The following NUP214 variants were observed in gnomAD, a reference collection of about 807,000 sequenced individuals.
NUP214 encodes nucleoporin 214, also known as nuclear pore complex protein Nup214.
Under a neutral mutation model 196.2 loss-of-function variants are expected in NUP214, and 79 were observed. The ratio of observed to expected loss-of-function variants is 0.40; its 90% confidence interval spans 0.34 to 0.49. NUP214 has a LOEUF of 0.49. NUP214 is among the 20% of genes least tolerant of loss of function. NUP214 has a pLI of 0.58. For synonymous variants in NUP214, 1,020 were observed against 990.5 expected (o/e 1.03, Z -0.56); for missense variants, 2,468 against 2,539.0 (o/e 0.97, Z 0.60).
chr9:131,183,161 T>C (rs1338320544), intron 24 of NUP214, among the ~76,000 whole-genome samples: 4 of 152,244 alleles, frequency 2.6e-5, no homozygotes, highest in Admixed American at 2.6e-4. Flanking sequence ...TTCAGCTCAC[T>C]GCAACCTCTG....
In NUP214 at chr9:131,140,723, G is replaced by C. The variant is rs771010470; in HGVS notation, c.1294+13G>C. The stretch of plus-strand genomic sequence containing the variant: ...CCCAAGTCACCAGGTATGTGCCTCT[G>C]CCTGCTTTATCAGTAAGGGAATACC... On this transcript the variant is annotated intron_variant, in intron 11 of 35. Transcript: ENST00000359428. The C allele has an allele frequency of 6.2e-6, 10 of 1,608,832 alleles. No individual in the cohort carries two copies. In the Admixed American group the frequency reaches 1.7e-4, roughly 27 times the overall value.
chr9:131,128,617 T>A, intron 3 of NUP214, 134 bp downstream of exon 3: 2 of 692,720 alleles, frequency 2.9e-6, no homozygotes, highest in Non-Finnish European at 4.4e-6. Flanking sequence ...TAAAAAAAAA[T>A]CCTTAATTAT....
Position 131,136,091 on chromosome 9 carries a change from A to G in NUP214, c.1005+85A>G. 3 of 1,113,390 alleles carry G rather than the reference A, an allele frequency of 2.7e-6. No individual in the cohort carries two copies. In the South Asian group the frequency reaches 4.3e-5, roughly 16 times the overall value. 69.0% of individuals were successfully genotyped at this position (1,113,390 alleles called of 1,614,324 possible). On this transcript the variant is annotated intron_variant, in intron 9 of 35. Coordinates refer to ENST00000359428, the MANE Select transcript of NUP214 (RefSeq NM_005085.4). ...AGTCTCGCTCTGTTGTCCAGGCTGG[A>G]GTGCAGTGGTGCAATTTCAGCTTAC...
chr9:131,196,500 G>C (rs1175695467), intron 28 of NUP214, among the ~76,000 whole-genome samples: 1 of 152,134 alleles, frequency 6.6e-6, no homozygotes, highest in Non-Finnish European at 1.5e-5. Flanking sequence ...TGTTTGACCA[G>C]GCCTTATGGG....
In NUP214 at chr9:131,135,953, G is replaced by A; in HGVS notation, c.952G>A (p.Ala318Thr). 1 of 1,613,820 alleles carries A rather than the reference G, an allele frequency of 6.2e-7. No homozygotes were observed. The highest frequency in any genetic ancestry group is 8.5e-7 in the Non-Finnish European group (1 of 1,179,702). The change falls in exon 9 of 36, where the codon GCA becomes ACA. Residue 318 changes from alanine to threonine, a missense_variant. Coordinates refer to ENST00000359428, the MANE Select transcript of NUP214 (RefSeq NM_005085.4). ...TTATTCTTTAAGGGATTTAGTGCTG[G>A]CAGCATCTGCGGCTTCAACAGAAGT... is the stretch of plus-strand genomic sequence containing the variant. ...SYIEEWDLVLAASAASTEVSI... is the reference protein window; with the variant it reads ...SYIEEWDLVLTASAASTEVSI...
intron 5 of NUP214, among the ~76,000 whole-genome samples, 162 bp from the exon 6 acceptor site, chr9:131,132,434 G>T (rs1244999189): frequency 3.3e-5 from 5 of 152,150 alleles, no homozygotes; most frequent in Non-Finnish European, 5.9e-5. Context: ...GTTTCTGTAG[G>T]ATGAAGTCCT....
intron 24 of NUP214, among the ~76,000 whole-genome samples, chr9:131,183,966 A>C (rs1020285707): frequency 4.7e-5 from 7 of 147,930 alleles, no homozygotes; most frequent in Non-Finnish European, 1.0e-4. Context: ...TACATTTTCC[A>C]TGTCATTAAA....
chr9:131,207,580 G>GA (rs1834120366), intron 30 of NUP214, among the ~76,000 whole-genome samples: 1 of 152,232 alleles, frequency 6.6e-6, no homozygotes, highest in African/African-American at 2.4e-5. Context: ...AGAAGTCACA[G>GA]AACATCACTT....
intron 24 of NUP214, among the ~76,000 whole-genome samples, chr9:131,184,965 ATATGAGTATG>A (rs1251470776): frequency 6.6e-6 from 1 of 152,238 alleles, no homozygotes; most frequent in African/African-American, 2.4e-5. Flanking sequence ...ACTCTCTCAT[ATATGAGTATG>A]TATGAAAAGA....
intron 21 of NUP214, among the ~76,000 whole-genome samples, chr9:131,166,425 A>C (rs766004754): frequency 2.0e-5 from 3 of 152,360 alleles, no homozygotes; most frequent in African/African-American, 4.8e-5. Context: ...TGTTCCAATC[A>C]GTGGTAAATA....
intron 30 of NUP214, among the ~76,000 whole-genome samples, chr9:131,204,124 A>G (rs965473322): frequency 3.3e-5 from 5 of 152,180 alleles, no homozygotes; most frequent in Admixed American, 2.6e-4. Context: ...GAGACACACA[A>G]GGAAACCAGG....
In NUP214 at chr9:131,230,738, C is replaced by T. The variant is rs1023614765; in HGVS notation, c.6183C>T (p.Ser2061=). 1.9e-5 allele frequency: 31 copies of T among 1,613,886 alleles called. No individual in the cohort carries two copies. The highest frequency in any genetic ancestry group is 1.6e-4 in the African/African-American group (12 of 74,910). ...QQTSGFGTQS[S]GFSGFGSGTG... ...CTTCTGGTTTTGGGACCCAGAGTAG[C>T]GGATTCTCTGGTTTTGGATCAGGCA... Residue 2061 remains serine, a synonymous_variant, in exon 34 of 36, where the codon AGC becomes AGT. Transcript: ENST00000359428.
At chr9:131,139,457 G>C (rs1831843640) in intron 10 of NUP214, 50 bp downstream of exon 10, 1 of 1,582,026 alleles carries the variant, frequency 6.3e-7, no homozygotes, top group African/African-American at 1.4e-5. Context: ...TTCTAGTTAG[G>C]GTTAATATTG....
chr9:131,136,071 C>G, intron 9 of NUP214, 65 bp downstream of exon 9: 1 of 1,331,722 alleles, frequency 7.5e-7, no homozygotes, highest in Non-Finnish European at 1.1e-6. Context: ...GAGACAGTCT[C>G]GCTCTGTTGT....
chr9:131,190,641 T>A, intron 26 of NUP214: 1 of 518,732 alleles, frequency 1.9e-6, no homozygotes, highest in Non-Finnish European at 3.4e-6. Context: ...TCATTGTTTT[T>A]CTGATTGTAA....
intron 30 of NUP214, among the ~76,000 whole-genome samples, chr9:131,201,939 G>A (rs1833952517): frequency 6.6e-6 from 1 of 152,168 alleles, no homozygotes; most frequent in South Asian, 2.1e-4. Context: ...AGTCTTCTGA[G>A]AAAGTATTTT....
chr9:131,224,039 A>G (rs1337271329), intron 32 of NUP214, among the ~76,000 whole-genome samples: 1 of 151,786 alleles, frequency 6.6e-6, no homozygotes, highest in Admixed American at 6.6e-5. Flanking sequence ...CAGCCCCCAA[A>G]TCACTTTATT....
intron 32 of NUP214, among the ~76,000 whole-genome samples, chr9:131,227,538 C>T (rs117434342): frequency 6.6e-6 from 1 of 150,514 alleles, no homozygotes; most frequent in African/African-American, 2.4e-5. Context: ...TGATGAGAGA[C>T]GTAGGAGCCA....
At chr9:131,231,098 G>GT (rs1384836425) in intron 34 of NUP214, among the ~76,000 whole-genome samples, 1 of 152,126 alleles carries the variant, frequency 6.6e-6, no homozygotes, top group African/African-American at 2.4e-5. Context: ...GCAGTGAGCT[G>GT]TGATTGCACC....
Sources: gnomAD v4.1 joint callset for allele counts (sites outside exome capture counted in the v4.1 genomes callset) on GRCh38, gnomAD v4.1.1 for gene constraint, MANE v1.5 for transcripts, NCBI Gene and HGNC (gene_info 2026-07-23, HGNC 2026-07-21) for gene names.